ONECUT1: variants seen among roughly 807,000 people sequenced by gnomAD.
ONECUT1 encodes hepatocyte nuclear factor 6.
In ONECUT1, 12 loss-of-function variants were observed where a neutral mutation model predicts 25.6. That is an observed-to-expected ratio of 0.47 (90% CI 0.30 to 0.76). The LOEUF (loss-of-function observed/expected upper bound fraction) is 0.76. Among genes scored for constraint, ONECUT1 ranks in the 30% least tolerant of loss-of-function variants. The pLI, the probability that ONECUT1 is intolerant of heterozygous loss-of-function variation, is 0.07. For synonymous variants in ONECUT1, 285 were observed against 270.2 expected, an observed-to-expected ratio of 1.05 and a Z score of -0.54; for missense variants, 620 against 651.2, an observed-to-expected ratio of 0.95 and a Z score of 0.52.
chr15:52,755,298 C>G lies in ONECUT1; in HGVS notation c.*2257G>C, dbSNP rs1204157064. On this transcript the variant is annotated 3_prime_UTR_variant, in exon 2 of 2. Coordinates refer to ENST00000305901, the MANE Select transcript of ONECUT1 (RefSeq NM_004498.4). ...AGAGAAAATGTTAATCAGTTTTTTC[C>G]TTTTTGTTTATGTCATTGACAAGAT... 6.6e-6 allele frequency among the ~76,000 whole-genome samples: 1 copy of G among 152,076 alleles called. No homozygotes were observed. The highest frequency in any genetic ancestry group is 1.5e-5 in the Non-Finnish European group (1 of 68,006).
At chr15:52,761,733 A>G (rs1404776107) in intron 1 of ONECUT1, among the ~76,000 whole-genome samples, 1 of 152,234 alleles carries the variant, frequency 6.6e-6, no homozygotes, top group Non-Finnish European at 1.5e-5. Flanking sequence ...GAATCGGAGA[A>G]GAACTTCTTG....
chr15:52,783,523 C>A (rs1414966910), intron 1 of ONECUT1, among the ~76,000 whole-genome samples: 1 of 152,240 alleles, frequency 6.6e-6, no homozygotes, highest in Non-Finnish European at 1.5e-5. Context: ...CCTGACTCCG[C>A]GCCAGGGCTC....
Position 52,757,435 on chromosome 15 carries a change from A to G in ONECUT1, c.*120T>C, listed in dbSNP as rs1371244573. 2.9e-5 allele frequency: 34 copies of G among 1,171,580 alleles called. No individual in the cohort carries two copies. Among genetic ancestry groups the G allele is most frequent in the Non-Finnish European group, 3.9e-5 (33 of 836,104 alleles). 72.6% of individuals were successfully genotyped at this position (1,171,580 alleles called of 1,614,324 possible). ...TCTTTGGTTTCTTTGGACTATAAATAACGCTTTTTTTTCTTCAAATATTTC... is the reference window on the plus strand; with the variant it reads ...TCTTTGGTTTCTTTGGACTATAAATGACGCTTTTTTTTCTTCAAATATTTC... On this transcript the variant is annotated 3_prime_UTR_variant, in exon 2 of 2. Transcript: ENST00000305901.
chr15:52,776,744 A>T (rs532761591), intron 1 of ONECUT1, among the ~76,000 whole-genome samples: 12 of 152,320 alleles, frequency 7.9e-5, no homozygotes, highest in African/African-American at 2.9e-4. Flanking sequence ...GAGCTCCTTC[A>T]GGATACAATA....
rs1387905685 is a variant in ONECUT1 at position 52,789,760 on chromosome 15, C to G, written c.125G>C (p.Gly42Ala). ...CGGGTGCGCGGGGGGCAGGTGGCTGCCGCGGTGCGCCACGGAGCTGCGCGC... is the reference window on the plus strand; with the variant it reads ...CGGGTGCGCGGGGGGCAGGTGGCTGGCGCGGTGCGCCACGGAGCTGCGCGC... ...PHARSSVAHRGSHLPPAHPRS... is the reference protein window; with the variant it reads ...PHARSSVAHRASHLPPAHPRS... Residue 42 changes from glycine (G) to alanine (A), a missense_variant, in exon 1 of 2, where the codon GGC (glycine) becomes GCC (alanine). This residue lies in a region of ONECUT1 where 440 missense variants were observed against 404.9 expected (regional missense o/e 1.09). Coordinates refer to ENST00000305901, the MANE Select transcript of ONECUT1 (RefSeq NM_004498.4). This position sits in a 1 kb window ranked among gnomAD's most constrained non-coding sequence, Gnocchi z 4.1. 7.1e-7 allele frequency: 1 copy of G among 1,403,776 alleles called. No individual in the cohort carries two copies. The highest frequency in any genetic ancestry group is 9.2e-7 in the Non-Finnish European group (1 of 1,089,900). 87.0% of individuals were successfully genotyped at this position (1,403,776 alleles called of 1,614,324 possible). A position where few individuals can be genotyped will look rare whatever the true frequency, so the allele number is the denominator to read the frequency against.
chr15:52,762,388 C>CTGTGCTT (rs1183226315), intron 1 of ONECUT1, among the ~76,000 whole-genome samples: 2 of 152,212 alleles, frequency 1.3e-5, no homozygotes, highest in African/African-American at 4.8e-5. Context: ...CATATGTAAG[C>CTGTGCTT]ACAGCTAATT....
intron 1 of ONECUT1, among the ~76,000 whole-genome samples, chr15:52,768,237 G>T (rs571046242): frequency 3.3e-5 from 5 of 152,096 alleles, no homozygotes; most frequent in Non-Finnish European, 5.9e-5. Context: ...TTGAAGTGAT[G>T]GATACCCTAG....
In ONECUT1 at chr15:52,784,722, C is replaced by A. The variant is rs982255541; in HGVS notation, c.1105+4058G>T. On this transcript the variant is annotated intron_variant, in intron 1 of 1. Coordinates refer to ENST00000305901, the MANE Select transcript of ONECUT1 (RefSeq NM_004498.4). This position sits in a 1 kb window ranked among gnomAD's most constrained non-coding sequence, Gnocchi z 5.0. ...GCCTTCTGGTGACTGTCCGCAGGAGCGAGACCTTTTTTGGTTTTGCAGTCG... is the reference window on the plus strand; with the variant it reads ...GCCTTCTGGTGACTGTCCGCAGGAGAGAGACCTTTTTTGGTTTTGCAGTCG... 2.0e-5 allele frequency among the ~76,000 whole-genome samples: 3 copies of A among 152,228 alleles called. No homozygotes were observed. Among genetic ancestry groups the A allele is most frequent in the Non-Finnish European group, 4.4e-5 (3 of 68,036 alleles).
intron 1 of ONECUT1, among the ~76,000 whole-genome samples, chr15:52,768,757 A>G (rs2083749325): frequency 1.3e-5 from 2 of 152,234 alleles, no homozygotes; most frequent in South Asian, 2.1e-4. Flanking sequence ...TTAATTTCAA[A>G]TTAGTGAAGT....
chr15:52,778,080 T>C (rs2083815975), intron 1 of ONECUT1, among the ~76,000 whole-genome samples: 1 of 152,180 alleles, frequency 6.6e-6, no homozygotes, highest in African/African-American at 2.4e-5. Context: ...ACCTCCTCAA[T>C]GTTAAAAATA....
chr15:52,767,932 C>G (rs1278574009), intron 1 of ONECUT1, among the ~76,000 whole-genome samples: 1 of 152,072 alleles, frequency 6.6e-6, no homozygotes, highest in Non-Finnish European at 1.5e-5. Context: ...TGAAATAAGC[C>G]AGGCACAGAA....
rs953702059 is a variant in ONECUT1, at chr15:52,755,822, A to C, written c.*1733T>G. Among the ~76,000 whole-genome samples, 13 of 152,210 alleles carry C rather than the reference A, an allele frequency of 8.5e-5. No individual in the cohort carries two copies. Among genetic ancestry groups the C allele is most frequent in the African/African-American group, 3.1e-4 (13 of 41,448 alleles). ...CTTAGATAAGTTACAGTCCAACTGA[A>C]TTCAGAGAGAATTTTTCTGGGAATC... On this transcript the variant is annotated 3_prime_UTR_variant, in exon 2 of 2. Transcript: ENST00000305901.
In ONECUT1 at chr15:52,789,777, G is replaced by T; in HGVS notation, c.108C>A (p.Ser36Arg). 3 of 1,437,040 alleles carry T rather than the reference G, an allele frequency of 2.1e-6. No individual in the cohort carries two copies. The highest frequency in any genetic ancestry group is 1.8e-6 in the Non-Finnish European group (2 of 1,108,242). The allele number at this position is 1,437,040 out of a possible 1,614,324, so 89.0% of individuals were successfully genotyped here. A position where few individuals can be genotyped will look rare whatever the true frequency, so the allele number is the denominator to read the frequency against. Residue 36 changes from serine to arginine, a missense_variant, in exon 1 of 2, where the codon AGC (serine) becomes AGA (arginine). By Grantham distance (110) the Ser-to-Arg change is moderately radical. This residue lies in a region of ONECUT1 where 440 missense variants were observed against 404.9 expected (regional missense o/e 1.09). Transcript: ENST00000305901. The surrounding 1 kb of genome is among the most constrained non-coding windows in gnomAD (Gnocchi z 4.1). ...DLLGGSPHARSSVAHRGSHLP... is the reference protein window; with the variant it reads ...DLLGGSPHARRSVAHRGSHLP... Reference sequence around the variant, plus strand: ...GGTGGCTGCCGCGGTGCGCCACGGAGCTGCGCGCGTGGGGGCTGCCGCCCA... The same window carrying T: ...GGTGGCTGCCGCGGTGCGCCACGGATCTGCGCGCGTGGGGGCTGCCGCCCA...
At chr15:52,777,694 G>C in intron 1 of ONECUT1, among the ~76,000 whole-genome samples, 1 of 113,730 alleles carries the variant, frequency 8.8e-6, no homozygotes, top group African/African-American at 4.6e-5. Flanking sequence ...CTCCTTCCTG[G>C]AAAACACACA....
chr15:52,762,413 T>C (rs76489740), intron 1 of ONECUT1, among the ~76,000 whole-genome samples: 1,861 of 152,344 alleles, frequency 0.012, 33 homozygotes, highest in South Asian at 0.064. Context: ...TTCTCAAATT[T>C]GTTTGACCCC....
rs201744162 is a variant in ONECUT1 at position 52,789,338 on chromosome 15, A to G, written c.547T>C (p.Ser183Pro). ...AGMGQSLSPL[S>P]SSGLGSIHNS... Reference sequence around the variant, plus strand: ...TGGATGCTGCCCAGACCGGAGCTGGAGAGGGGCGAGAGGCTCTGGCCCATG... The same window carrying G: ...TGGATGCTGCCCAGACCGGAGCTGGGGAGGGGCGAGAGGCTCTGGCCCATG... Residue 183 changes from serine (S) to proline (P), a missense_variant, in exon 1 of 2, where the codon TCC becomes CCC. Coordinates refer to ENST00000305901, the MANE Select transcript of ONECUT1 (RefSeq NM_004498.4). This position sits in a 1 kb window ranked among gnomAD's most constrained non-coding sequence, Gnocchi z 4.1. 1.9e-4 allele frequency: 298 copies of G among 1,591,400 alleles called. No individual in the cohort carries two copies. The highest frequency in any genetic ancestry group is 6.0e-6 in the Non-Finnish European group (7 of 1,166,792).
chr15:52,789,093 G>A lies in ONECUT1; in HGVS notation c.792C>T (p.Leu264=), dbSNP rs564638027. The A allele has an allele frequency of 5.5e-5, 88 of 1,601,776 alleles. No individual in the cohort carries two copies. Among genetic ancestry groups the A allele is most frequent in the Non-Finnish European group, 6.9e-5 (82 of 1,179,956 alleles). Residue 264 remains leucine, a synonymous_variant, in exon 1 of 2, where the codon CTC becomes CTT. Coordinates refer to ENST00000305901, the MANE Select transcript of ONECUT1 (RefSeq NM_004498.4). This position sits in a 1 kb window ranked among gnomAD's most constrained non-coding sequence, Gnocchi z 4.1. The part of the protein sequence containing the change: ...AHLNAQGHGQ[L]LGTAREPNPS... ...GGTTGGGCTCCCGGGCTGTGCCCAG[G>A]AGTTGCCCGTGGCCCTGGGCGTTCA...
chr15:52,790,064 T>C lies in ONECUT1; in HGVS notation c.-180A>G. 1.1e-6 allele frequency: 1 copy of C among 912,814 alleles called. No homozygotes were observed. The allele number at this position is 912,814 out of a possible 1,614,324, so 56.5% of individuals were successfully genotyped here. ...GTGTGTGTGTGTCCGTGTGTGCGTG[T>C]GCGTGTGTGTGTGTGTGTGTGTCTC... On this transcript the variant is annotated 5_prime_UTR_variant, in exon 1 of 2. Transcript: ENST00000305901.
At position 52,790,066 on chromosome 15, in the gene ONECUT1, CGTGT is replaced by C. The variant is rs72061188; in HGVS notation, c.-186_-183del. On this transcript the variant is annotated 5_prime_UTR_variant, in exon 1 of 2. Transcript: ENST00000305901. ...GTGTGTGTGTCCGTGTGTGCGTGTG[CGTGT>C]GTGTGTGTGTGTGTGTCTCGCCTTC... The C allele has an allele frequency of 0.078, 53,645 of 689,664 alleles. 2,186 individuals are homozygous for C. Among genetic ancestry groups the C allele is most frequent in the Non-Finnish European group, 0.087 (43,343 of 496,834 alleles). 42.7% of individuals were successfully genotyped at this position (689,664 alleles called of 1,614,324 possible). A position where few individuals can be genotyped will look rare whatever the true frequency, so the allele number is the denominator to read the frequency against.
Sources: gnomAD v4.1 joint callset for allele counts (sites outside exome capture counted in the v4.1 genomes callset) on GRCh38, gnomAD v4.1.1 for gene constraint, gnomAD v4.1.1 regional missense constraint, Gnocchi (gnomAD v3.1) non-coding constraint, MANE v1.5 for transcripts, NCBI Gene and HGNC (gene_info 2026-07-23, HGNC 2026-07-21) for gene names.